MRPS22: variants seen among roughly 807,000 people sequenced by gnomAD.
MRPS22 encodes mitochondrial ribosomal protein S22, also known as small ribosomal subunit protein mS22.
MRPS22 carries 30 observed loss-of-function variants against 44.0 expected under a neutral mutation model. The observed-to-expected ratio is 0.68, with a 90% CI of 0.51 to 0.93. The LOEUF (loss-of-function observed/expected upper bound fraction) is 0.93. Ranked by LOEUF, MRPS22 falls within the 40% of genes least tolerant of loss-of-function variation. MRPS22 has a pLI of 0.00. For synonymous variants in MRPS22, 165 were observed against 154.4 expected, an observed-to-expected ratio of 1.07 and a Z score of -0.51; for missense variants, 447 against 447.8, an observed-to-expected ratio of 1.00 and a Z score of 0.02.
At position 139,350,994 on chromosome 3, in the gene MRPS22, C is replaced by A; in HGVS notation, c.666C>A (p.Asp222Glu). ...EENLRTMYSQ[D>E]RHVDVLNLCF... ...GGTTTTAGACTATGTATAGCCAGGA[C>A]AGGCATGTTGATGTCCTCAATCTCT... The change falls in exon 5 of 8, where the codon GAC becomes GAA. Residue 222 changes from aspartate to glutamate, a missense_variant. Transcript: ENST00000680020. 1.2e-6 allele frequency: 2 copies of A among 1,614,016 alleles called. No homozygotes were observed. Among genetic ancestry groups the A allele is most frequent in the Non-Finnish European group, 1.7e-6 (2 of 1,179,896 alleles).
intron 4 of MRPS22, chr3:139,350,712 A>G: frequency 2.1e-6 from 1 of 481,568 alleles, no homozygotes; most frequent in South Asian, 2.1e-5. Flanking sequence ...CTGGGATTAC[A>G]GGCGTGAGCC....
At chr3:139,354,125 T>C (rs1004104085) in intron 6 of MRPS22, among the ~76,000 whole-genome samples, 3 of 152,114 alleles carry the variant, frequency 2.0e-5, no homozygotes, top group Non-Finnish European at 2.9e-5. Flanking sequence ...AACAGAAGAG[T>C]GAGCTTACTG....
In MRPS22 at chr3:139,356,917, A is replaced by G; in HGVS notation, c.988-2A>G. 1 of 1,607,976 alleles carries G rather than the reference A, an allele frequency of 6.2e-7. No individual in the cohort carries two copies. The highest frequency in any genetic ancestry group is 2.2e-5 in the East Asian group (1 of 44,790). ...TTAAAATTTTCTTTTTAATTTAAAC[A>G]GGTCTTTGCAAAAACAGAAGCACAG... On this transcript the variant is annotated splice_acceptor_variant, in intron 7 of 7. Coordinates refer to ENST00000680020, the MANE Select transcript of MRPS22 (RefSeq NM_020191.4). LOFTEE classifies it high-confidence loss of function.
rs752246508 is a variant in MRPS22 at position 139,348,342 on chromosome 3, C to T, written c.504+18C>T. Reference sequence around the variant, plus strand: ...CACACCGGGTGAGTATATGTCTAATCGCAAAATGATCTTTCTTTGAAATAC... The same window carrying T: ...CACACCGGGTGAGTATATGTCTAATTGCAAAATGATCTTTCTTTGAAATAC... On this transcript the variant is annotated intron_variant, in intron 3 of 7. Transcript: ENST00000680020. The T allele has an allele frequency of 1.5e-5, 24 of 1,611,058 alleles. No homozygotes were observed. Among genetic ancestry groups the T allele is most frequent in the Middle Eastern group, 1.6e-4 (1 of 6,082 alleles).
chr3:139,349,220 C>G (rs1208764727), intron 3 of MRPS22: 2 of 419,292 alleles, frequency 4.8e-6, no homozygotes, highest in Non-Finnish European at 9.3e-6. Context: ...CATTTTGTAA[C>G]TTGAAAAGGA....
chr3:139,350,449 TGGAGTTTCGCTCC>T, intron 4 of MRPS22, 127 bp downstream of exon 4: 5 of 1,121,144 alleles, frequency 4.5e-6, no homozygotes, highest in South Asian at 1.4e-5. Flanking sequence ...TTTTTTGAAA[TGGAGTTTCGCTCC>T]TTTTGCCCAG....
intron 7 of MRPS22, 143 bp from the exon 8 acceptor site, chr3:139,356,776 G>A (rs771382791): frequency 1.3e-5 from 8 of 633,894 alleles, no homozygotes; most frequent in African/African-American, 3.7e-5. Flanking sequence ...TTGTATAATC[G>A]GGGGAAAAAT....
At chr3:139,354,483 A>AC (rs1941207977) in intron 6 of MRPS22, among the ~76,000 whole-genome samples, 1 of 152,176 alleles carries the variant, frequency 6.6e-6, no homozygotes, top group African/African-American at 2.4e-5. Flanking sequence ...TTTCGTTACT[A>AC]CATTTAGTGG....
intron 6 of MRPS22, among the ~76,000 whole-genome samples, chr3:139,353,321 C>A (rs753983605): frequency 2.6e-5 from 4 of 152,192 alleles, no homozygotes; most frequent in Non-Finnish European, 5.9e-5. Flanking sequence ...AGCTGGTGTG[C>A]TCCCAGGCTT....
At chr3:139,345,237 G>A (rs1560004568) in intron 1 of MRPS22, among the ~76,000 whole-genome samples, 1 of 152,154 alleles carries the variant, frequency 6.6e-6, no homozygotes, top group Non-Finnish European at 1.5e-5. Flanking sequence ...TGAATTTTAA[G>A]CTTGGGAGTA....
intron 3 of MRPS22, among the ~76,000 whole-genome samples, chr3:139,349,859 A>G (rs182265138): frequency 6.8e-4 from 104 of 152,366 alleles, no homozygotes; most frequent in Admixed American, 5.9e-3. Context: ...AAGTTTGGAA[A>G]GGTCATAGCA....
At chr3:139,352,449 T>TTA in intron 5 of MRPS22, 198 bp from the exon 6 acceptor site, 1 of 523,824 alleles carries the variant, frequency 1.9e-6, no homozygotes, top group South Asian at 2.0e-5. Flanking sequence ...TCTTTCTTAA[T>TTA]AGAATCCTCC....
intron 3 of MRPS22, chr3:139,348,934 C>A: frequency 5.9e-6 from 1 of 170,086 alleles, no homozygotes; most frequent in Non-Finnish European, 1.3e-5. Context: ...GTATTTGAGC[C>A]TTTGCAAGTA....
At position 139,350,182 on chromosome 3, in the gene MRPS22, C is replaced by G; in HGVS notation, c.508C>G (p.Arg170Gly). Residue 170 changes from arginine to glycine, a missense_variant, in exon 4 of 8, where the codon CGT becomes GGT. Physicochemically the swap from Arg to Gly is moderately radical, Grantham distance 125. Coordinates refer to ENST00000680020, the MANE Select transcript of MRPS22 (RefSeq NM_020191.4). ...TGATTATGTTTTTCTATTTTAGGAG[C>G]GTTTTATTGTCGTCAGAGAACCAAG... ...DISYSIPHRE[R>G]FIVVREPSGT... 12 of 1,613,986 alleles carry G rather than the reference C, an allele frequency of 7.4e-6. No individual in the cohort carries two copies. The highest frequency in any genetic ancestry group is 1.0e-5 in the Non-Finnish European group (12 of 1,179,956).
intron 3 of MRPS22, chr3:139,349,496 A>C: frequency 1.3e-5 from 3 of 235,134 alleles, no homozygotes; most frequent in Non-Finnish European, 2.6e-5. Context: ...TATTGCAAAA[A>C]ATTATAATCC....
At position 139,350,326 on chromosome 3, in the gene MRPS22, A is replaced by C; in HGVS notation, c.648+4A>C. On this transcript the variant is annotated splice_donor_region_variant and intron_variant, in intron 4 of 7. Coordinates refer to ENST00000680020, the MANE Select transcript of MRPS22 (RefSeq NM_020191.4). ...TTTCAAGGAAGAAAATCTTAGGGTA[A>C]GGTGACTTAGGTTTTATGTTTTAGA... The C allele has an allele frequency of 1.2e-6, 2 of 1,613,988 alleles. No individual in the cohort carries two copies. The highest frequency in any genetic ancestry group is 1.7e-6 in the Non-Finnish European group (2 of 1,179,974).
At position 139,355,671 on chromosome 3, in the gene MRPS22, T is replaced by C; in HGVS notation, c.879-11T>C. On this transcript the variant is annotated splice_polypyrimidine_tract_variant and intron_variant, in intron 6 of 7. Transcript: ENST00000680020. ...AAACCCCTAGATAACATTAAACCCT[T>C]TCATTCTCAGAATCGATGATGCAAC... 1 of 1,609,582 alleles carries C rather than the reference T, an allele frequency of 6.2e-7. No individual in the cohort carries two copies. Among genetic ancestry groups the C allele is most frequent in the African/African-American group, 1.3e-5 (1 of 74,972 alleles).
rs1319974049 is a variant in MRPS22, at chr3:139,355,760, T to C, written c.957T>C (p.Asp319=). The C allele has an allele frequency of 6.2e-7, 1 of 1,614,142 alleles. No individual in the cohort carries two copies. The highest frequency in any genetic ancestry group is 8.5e-7 in the Non-Finnish European group (1 of 1,180,000). The change falls in exon 7 of 8, where the codon GAT becomes GAC. Residue 319 remains aspartate, a synonymous_variant. Transcript: ENST00000680020. ...PDGQSAQGAK[D]QAAEGINLIK... ...GCCAGTCGGCTCAAGGGGCCAAGGA[T>C]CAGGCTGCTGAGGGAATAAATTTAA...
intron 5 of MRPS22, chr3:139,351,311 G>T: frequency 2.1e-6 from 1 of 476,774 alleles, no homozygotes. Flanking sequence ...CTAAGTGGTA[G>T]GGTTAGGACC....
Sources: gnomAD v4.1 joint callset for allele counts (sites outside exome capture counted in the v4.1 genomes callset) on GRCh38, gnomAD v4.1.1 for gene constraint, MANE v1.5 for transcripts, NCBI Gene and HGNC (gene_info 2026-07-23, HGNC 2026-07-21) for gene names.